The following MTSS1 variants were observed in gnomAD, a reference collection of about 807,000 sequenced individuals.
MTSS1 encodes MTSS I-BAR domain containing 1.
A neutral mutation model predicts 79.0 loss-of-function variants in MTSS1; 18 were observed. The observed-to-expected ratio is 0.23, with a 90% CI of 0.16 to 0.34. MTSS1 has a LOEUF of 0.34. Among genes scored for constraint, MTSS1 ranks in the 10% least tolerant of loss-of-function variants. The pLI, the probability that MTSS1 is intolerant of heterozygous loss-of-function variation, is 1.00. For missense variants in MTSS1, 815 were observed against 986.2 expected (o/e 0.83, Z 2.33); for synonymous variants, 341 against 368.6 (o/e 0.93, Z 0.86).
chr8:124,717,835 A>C (rs1178695493), intron 1 of MTSS1, among the ~76,000 whole-genome samples: 1 of 152,206 alleles, frequency 6.6e-6, no homozygotes, highest in Non-Finnish European at 1.5e-5. Context: ...CTAGAATGTA[A>C]GTTCCAGGAG....
At chr8:124,564,357 A>C (rs1478076543) in intron 9 of MTSS1, among the ~76,000 whole-genome samples, 2 of 152,114 alleles carry the variant, frequency 1.3e-5, no homozygotes, top group Admixed American at 6.5e-5. Flanking sequence ...GCAGCTAATA[A>C]GGTACTCAAG....
rs574584246 is a variant in MTSS1, at chr8:124,716,072, G to A, written c.72+11812C>T. Among the ~76,000 whole-genome samples, 16 of 152,330 alleles carry A rather than the reference G, an allele frequency of 1.1e-4. No individual in the cohort carries two copies. The South Asian group carries it at 3.3e-3, about 32-fold the overall frequency. On this transcript the variant is annotated intron_variant, in intron 1 of 13. Coordinates refer to ENST00000518547, the MANE Select transcript of MTSS1 (RefSeq NM_014751.6). ...TGGGCACCTACTATGCGCAGGCACT[G>A]AGTGAGGGGTGGGCCATAGACAGAA...
At chr8:124,596,378 C>G (rs761333708) in intron 3 of MTSS1, among the ~76,000 whole-genome samples, 1 of 152,190 alleles carries the variant, frequency 6.6e-6, no homozygotes, top group Non-Finnish European at 1.5e-5. Flanking sequence ...CCCGATTCAA[C>G]GTGGTACATG....
chr8:124,648,716 C>CCG (rs1554694541), intron 3 of MTSS1, among the ~76,000 whole-genome samples: 2 of 151,728 alleles, frequency 1.3e-5, no homozygotes, highest in African/African-American at 4.9e-5. Flanking sequence ...GCAGCCCCCC[C>CCG]CCAGATACTG....
Position 124,591,259 on chromosome 8 carries a change from G to T in MTSS1, c.209-24C>A, listed in dbSNP as rs752507407. On this transcript the variant is annotated intron_variant, in intron 3 of 13. Transcript: ENST00000518547. The stretch of plus-strand genomic sequence containing the variant: ...ACCTGAAAAAGCAACAGAGGCAAAG[G>T]TGAGGGATAGAAGACTAGCAGGGAT... The T allele has an allele frequency of 8.8e-6, 14 of 1,597,206 alleles. No individual in the cohort carries two copies. The South Asian group carries it at 8.8e-5, about 10-fold the overall frequency.
At chr8:124,583,068 T>C (rs187493080) in intron 6 of MTSS1, among the ~76,000 whole-genome samples, 76 of 152,340 alleles carry the variant, frequency 5.0e-4, no homozygotes, top group African/African-American at 1.8e-3. Context: ...TTGAAGTAAC[T>C]AGAAATTCTC....
intron 3 of MTSS1, among the ~76,000 whole-genome samples, chr8:124,642,261 CA>C (rs1382399139): frequency 6.6e-6 from 1 of 152,166 alleles, no homozygotes; most frequent in African/African-American, 2.4e-5. Flanking sequence ...ACGAATCAAT[CA>C]GCAGATAAAG....
chr8:124,559,734 A>C lies in MTSS1; in HGVS notation c.1036-1859T>G, dbSNP rs113871438. On this transcript the variant is annotated intron_variant, in intron 10 of 13. Transcript: ENST00000518547. ...CATGGCTGGTGCTCAAAACATAATG[A>C]ATGAGTGACAATGATCATCTCTGTC... Among the ~76,000 whole-genome samples the C allele has an allele frequency of 5.0e-3, 762 of 152,294 alleles. 9 individuals are homozygous for C. Among genetic ancestry groups the C allele is most frequent in the African/African-American group, 0.018 (729 of 41,548 alleles).
intron 3 of MTSS1, among the ~76,000 whole-genome samples, chr8:124,679,897 T>A (rs1825863152): frequency 6.6e-6 from 1 of 152,230 alleles, no homozygotes; most frequent in Admixed American, 6.5e-5. Context: ...ACCCAACAGT[T>A]ACCCTCAAAT....
chr8:124,552,529 T>C lies in MTSS1; in HGVS notation c.*463A>G, dbSNP rs1257194157. 1 of 165,350 alleles carries C rather than the reference T, an allele frequency of 6.0e-6. No individual in the cohort carries two copies. The highest frequency in any genetic ancestry group is 1.7e-4 in the East Asian group (1 of 5,970). 10.2% of individuals were successfully genotyped at this position (165,350 alleles called of 1,614,324 possible). A position where few individuals can be genotyped will look rare whatever the true frequency, so the allele number is the denominator to read the frequency against. Reference sequence around the variant, plus strand: ...AGATTTTACCTCTTACCCATTTAGTTTGTACATTAAAATAACTTGCATTTG... The same window carrying C: ...AGATTTTACCTCTTACCCATTTAGTCTGTACATTAAAATAACTTGCATTTG... On this transcript the variant is annotated 3_prime_UTR_variant, in exon 14 of 14. Transcript: ENST00000518547.
At chr8:124,710,978 A>G (rs182535104) in intron 1 of MTSS1, among the ~76,000 whole-genome samples, 2 of 152,292 alleles carry the variant, frequency 1.3e-5, no homozygotes, top group Non-Finnish European at 2.9e-5. Context: ...GTTCTGCCCA[A>G]AAGGTGCCAG....
chr8:124,626,919 C>T (rs1016594016), intron 3 of MTSS1, among the ~76,000 whole-genome samples: 8 of 152,180 alleles, frequency 5.3e-5, no homozygotes, highest in African/African-American at 1.9e-4. Context: ...AAGGCAGGTC[C>T]TGTTCACTGC....
At chr8:124,684,606 T>C (rs902895197) in intron 3 of MTSS1, among the ~76,000 whole-genome samples, 7 of 152,188 alleles carry the variant, frequency 4.6e-5, no homozygotes, top group Non-Finnish European at 8.8e-5. Context: ...CTGCTACATG[T>C]ATTTGAGAGA....
intron 3 of MTSS1, among the ~76,000 whole-genome samples, chr8:124,653,471 C>A (rs778221614): frequency 2.3e-4 from 35 of 152,348 alleles, no homozygotes; most frequent in Non-Finnish European, 1.0e-4. Flanking sequence ...CACCTGTAAT[C>A]CCAGCACTTT....
At chr8:124,714,219 A>C (rs1831580570) in intron 1 of MTSS1, among the ~76,000 whole-genome samples, 1 of 152,190 alleles carries the variant, frequency 6.6e-6, no homozygotes, top group Admixed American at 6.5e-5. Flanking sequence ...TGGGCACTGA[A>C]GGCACCGCCT....
At chr8:124,692,214 G>C (rs188774423) in intron 3 of MTSS1, among the ~76,000 whole-genome samples, 6 of 151,894 alleles carry the variant, frequency 4.0e-5, no homozygotes, top group African/African-American at 1.4e-4. Context: ...ATTTTTAGTA[G>C]AGCCAGGATC....
intron 3 of MTSS1, among the ~76,000 whole-genome samples, chr8:124,599,168 AC>A (rs1833302499): frequency 1.3e-5 from 2 of 152,188 alleles, no homozygotes; most frequent in Non-Finnish European, 2.9e-5. Context: ...TGATTACTGT[AC>A]CCACTAGGGT....
At chr8:124,671,379 C>T (rs1439172281) in intron 3 of MTSS1, among the ~76,000 whole-genome samples, 1 of 152,094 alleles carries the variant, frequency 6.6e-6, no homozygotes, top group Non-Finnish European at 1.5e-5. Context: ...TGATGGGGCC[C>T]CTCTTGCTAG....
At position 124,553,810 on chromosome 8, in the gene MTSS1, T is replaced by A; in HGVS notation, c.1568-118A>T. The A allele has an allele frequency of 1.1e-6, 1 of 872,978 alleles. No homozygotes were observed. The highest frequency in any genetic ancestry group is 1.7e-6 in the Non-Finnish European group (1 of 584,992). 54.1% of individuals were successfully genotyped at this position (872,978 alleles called of 1,614,324 possible). A position where few individuals can be genotyped will look rare whatever the true frequency, so the allele number is the denominator to read the frequency against. ...GTACACACACAGTCTCATCCCAAGC[T>A]TCCCCCAGGCTTCTCTACCATCTTC... On this transcript the variant is annotated intron_variant, in intron 13 of 13. Coordinates refer to ENST00000518547, the MANE Select transcript of MTSS1 (RefSeq NM_014751.6). The surrounding 1 kb of genome is among the most constrained non-coding windows in gnomAD (Gnocchi z 6.0).
Sources: allele counts gnomAD v4.1 joint callset (sites outside exome capture counted in the v4.1 genomes callset), GRCh38; gene constraint gnomAD v4.1.1; non-coding constraint Gnocchi (gnomAD v3.1); transcripts MANE v1.5; gene names NCBI Gene and HGNC (gene_info 2026-07-23, HGNC 2026-07-21).